Variants in MGAT4A observed in about 807,000 individuals in gnomAD.
MGAT4A encodes alpha-1,3-mannosyl-glycoprotein 4-beta-N-acetylglucosaminyltransferase A, also known as N-acetylglucosaminyltransferase IVa.
In MGAT4A, 33 loss-of-function variants were observed where a neutral mutation model predicts 74.1. The observed-to-expected ratio is 0.45, with a 90% CI of 0.34 to 0.60. The LOEUF (loss-of-function observed/expected upper bound fraction) is 0.60. Among genes scored for constraint, MGAT4A ranks in the 20% least tolerant of loss-of-function variants. The pLI is 0.02. For missense variants in MGAT4A, 479 were observed against 628.3 expected (o/e 0.76, Z 2.54); for synonymous variants, 198 against 210.4 (o/e 0.94, Z 0.51).
Position 98,635,323 on chromosome 2 carries a change from ATTCT to A in MGAT4A, c.1402-39_1402-36del, listed in dbSNP as rs532686900. 1,163 of 1,478,596 alleles carry A rather than the reference ATTCT, an allele frequency of 7.9e-4. 3 individuals carry two copies. The highest frequency in any genetic ancestry group is 8.0e-4 in the Non-Finnish European group (867 of 1,078,994). 91.6% of individuals were successfully genotyped at this position (1,478,596 alleles called of 1,614,324 possible). A position where few individuals can be genotyped will look rare whatever the true frequency, so the allele number is the denominator to read the frequency against. On this transcript the variant is annotated intron_variant, in intron 13 of 15. Transcript: ENST00000393487. ...AACAAAAGCATTAATTTCAAAAATA[ATTCT>A]TTCTATTTAACCTAAGTTATTAATA...
intron 5 of MGAT4A, among the ~76,000 whole-genome samples, chr2:98,659,720 C>G (rs1038374148): frequency 2.6e-5 from 4 of 152,164 alleles, no homozygotes; most frequent in Admixed American, 6.5e-5. Context: ...GTAAGACATG[C>G]CTTTCGCCTT....
chr2:98,632,468 T>G (rs1451487860), intron 14 of MGAT4A, among the ~76,000 whole-genome samples: 9 of 152,250 alleles, frequency 5.9e-5, no homozygotes, highest in Non-Finnish European at 1.3e-4. Context: ...TGTTAAACTT[T>G]CCACTGGGAT....
intron 2 of MGAT4A, among the ~76,000 whole-genome samples, chr2:98,706,924 G>A (rs1702447311): frequency 6.6e-6 from 1 of 150,402 alleles, no homozygotes; most frequent in African/African-American, 2.4e-5. Context: ...AAGTAAATAT[G>A]AAAAATCTGG....
At position 98,704,718 on chromosome 2, in the gene MGAT4A, C is replaced by T. The variant is rs1575276870; in HGVS notation, c.94+21521G>A. Among the ~76,000 whole-genome samples the T allele has an allele frequency of 2.0e-5, 3 of 151,920 alleles. No individual in the cohort carries two copies. In the South Asian group the frequency reaches 6.3e-4, roughly 32 times the overall value. On this transcript the variant is annotated intron_variant, in intron 2 of 15. Coordinates refer to ENST00000393487, the MANE Select transcript of MGAT4A (RefSeq NM_012214.3). ...CCAGGAGGCAGAGGTTGCAGTGAACCATGATCACACCACTGCACTATAGCC... is the reference window on the plus strand; with the variant it reads ...CCAGGAGGCAGAGGTTGCAGTGAACTATGATCACACCACTGCACTATAGCC...
At chr2:98,707,917 C>T (rs1253204779) in intron 2 of MGAT4A, among the ~76,000 whole-genome samples, 2 of 152,144 alleles carry the variant, frequency 1.3e-5, no homozygotes, top group East Asian at 3.9e-4. Flanking sequence ...TTCCACCATT[C>T]CACAACATAC....
intron 14 of MGAT4A, among the ~76,000 whole-genome samples, chr2:98,632,645 T>C (rs775779396): frequency 2.0e-5 from 3 of 152,248 alleles, no homozygotes; most frequent in Admixed American, 6.5e-5. Flanking sequence ...TGCCTCTCCA[T>C]TGGGCACAAT....
At chr2:98,727,458 GAAC>G (rs766933244) in intron 1 of MGAT4A, among the ~76,000 whole-genome samples, 4 of 152,200 alleles carry the variant, frequency 2.6e-5, no homozygotes, top group Middle Eastern at 3.4e-3. Flanking sequence ...TTGGTTAATT[GAAC>G]AACAACAAAA....
At chr2:98,682,340 T>G (rs1702070980) in intron 2 of MGAT4A, among the ~76,000 whole-genome samples, 1 of 144,086 alleles carries the variant, frequency 6.9e-6, no homozygotes, top group South Asian at 2.1e-4. Flanking sequence ...GAGAATCGCT[T>G]GAACCCGGGA....
In MGAT4A at chr2:98,621,441, A is replaced by C; in HGVS notation, c.*4125T>G. 6.4e-7 allele frequency: 1 copy of C among 1,551,600 alleles called. No homozygotes were observed. The highest frequency in any genetic ancestry group is 1.2e-5 in the South Asian group (1 of 84,050). ...GCAGCCCCCTCTACCTTAAAACAGC[A>C]ATGGTGCCTGAGGTCCTTCTGCTTT... On this transcript the variant is annotated 3_prime_UTR_variant, in exon 16 of 16. Transcript: ENST00000393487.
At chr2:98,713,411 C>T (rs1482042750) in intron 2 of MGAT4A, among the ~76,000 whole-genome samples, 1 of 150,990 alleles carries the variant, frequency 6.6e-6, no homozygotes, top group African/African-American at 2.4e-5. Context: ...TCTTGCTTTA[C>T]CGTGGTTTGA....
intron 8 of MGAT4A, among the ~76,000 whole-genome samples, chr2:98,652,522 G>A (rs1389844693): frequency 6.6e-5 from 10 of 152,004 alleles, no homozygotes; most frequent in East Asian, 1.9e-4. Flanking sequence ...TAGTAGAGAC[G>A]GAGTTTCACC....
At chr2:98,647,608 T>A (rs1701511991) in intron 8 of MGAT4A, among the ~76,000 whole-genome samples, 1 of 152,222 alleles carries the variant, frequency 6.6e-6, no homozygotes, top group South Asian at 2.1e-4. Flanking sequence ...CGTGAGCCAC[T>A]GCGCCCGGCC....
intron 2 of MGAT4A, among the ~76,000 whole-genome samples, chr2:98,719,644 T>C (rs1702637900): frequency 6.6e-6 from 1 of 152,078 alleles, no homozygotes; most frequent in Non-Finnish European, 1.5e-5. Flanking sequence ...GTTGGATTTA[T>C]TTATTTATTT....
chr2:98,725,034 C>T (rs1029781187), intron 2 of MGAT4A, among the ~76,000 whole-genome samples: 2 of 152,214 alleles, frequency 1.3e-5, no homozygotes, highest in Non-Finnish European at 2.9e-5. Flanking sequence ...GAGGTCTTGC[C>T]ACTGCACTCT....
Position 98,621,211 on chromosome 2 carries a change from C to A in MGAT4A, c.*4355G>T. ...GTCCAAGCAGGCTTAAGTGAGTTCT[C>A]GGCTTAGGGTCTCACAAGGCTGGAT... On this transcript the variant is annotated 3_prime_UTR_variant, in exon 16 of 16. Coordinates refer to ENST00000393487, the MANE Select transcript of MGAT4A (RefSeq NM_012214.3). 1 of 544,342 alleles carries A rather than the reference C, an allele frequency of 1.8e-6. No homozygotes were observed. 33.7% of individuals were successfully genotyped at this position (544,342 alleles called of 1,614,324 possible).
intron 2 of MGAT4A, among the ~76,000 whole-genome samples, chr2:98,687,930 A>C (rs1465544499): frequency 6.6e-6 from 1 of 152,136 alleles, no homozygotes; most frequent in Non-Finnish European, 1.5e-5. Flanking sequence ...CTGAAAAAGG[A>C]AAAAAACAAA....
intron 2 of MGAT4A, among the ~76,000 whole-genome samples, chr2:98,724,865 T>C (rs571735992): frequency 1.2e-4 from 18 of 152,330 alleles, no homozygotes; most frequent in African/African-American, 3.6e-4. Flanking sequence ...TAGCCAGTCA[T>C]TTGTTTTGTT....
Position 98,621,637 on chromosome 2 carries a change from G to T in MGAT4A, c.*3929C>A. The T allele has an allele frequency of 2.0e-6, 3 of 1,469,710 alleles. No homozygotes were observed. Among genetic ancestry groups the T allele is most frequent in the South Asian group, 1.4e-5 (1 of 70,750 alleles). The allele number at this position is 1,469,710 out of a possible 1,614,324, so 91.0% of individuals were successfully genotyped here. On this transcript the variant is annotated 3_prime_UTR_variant, in exon 16 of 16. Transcript: ENST00000393487. Reference sequence around the variant, plus strand: ...TGGGAGGATATTATACAAGGTCATTGGTGGGGGTGTCAGTAGGGGTCATTC... The same window carrying T: ...TGGGAGGATATTATACAAGGTCATTTGTGGGGGTGTCAGTAGGGGTCATTC...
At chr2:98,704,507 C>G (rs1410959011) in intron 2 of MGAT4A, among the ~76,000 whole-genome samples, 1 of 152,118 alleles carries the variant, frequency 6.6e-6, no homozygotes, top group African/African-American at 2.4e-5. Flanking sequence ...ACTTGGGAAG[C>G]TGAAGTGGGA....
Sources: allele counts gnomAD v4.1 joint callset (sites outside exome capture counted in the v4.1 genomes callset), GRCh38; gene constraint gnomAD v4.1.1; transcripts MANE v1.5; gene names NCBI Gene and HGNC (gene_info 2026-07-23, HGNC 2026-07-21).